The following ATG7 variants were observed in gnomAD, a reference collection of about 807,000 sequenced individuals.
ATG7 encodes autophagy related 7.
ATG7 carries 70 observed loss-of-function variants against 82.4 expected under a neutral mutation model. The ratio of observed to expected loss-of-function variants is 0.85; its 90% CI spans 0.70 to 1.04. ATG7 has a LOEUF of 1.04. Among genes scored for constraint, ATG7 ranks in the 50% least tolerant of loss-of-function variants. ATG7 has a pLI of 0.00. For missense variants in ATG7, 792 were observed against 864.3 expected (o/e 0.92, Z 1.05); for synonymous variants, 287 against 313.0 (o/e 0.92, Z 0.88).
intron 19 of ATG7, among the ~76,000 whole-genome samples, chr3:11,390,564 C>T (rs1262288078): frequency 6.6e-6 from 1 of 152,204 alleles, no homozygotes; most frequent in East Asian, 1.9e-4. Flanking sequence ...TTCTGTTGGG[C>T]TGTGCTAGTT....
intron 18 of ATG7, among the ~76,000 whole-genome samples, chr3:11,376,307 T>G (rs1421939858): frequency 6.6e-6 from 1 of 152,244 alleles, no homozygotes; most frequent in Middle Eastern, 3.2e-3. Context: ...CTGTACAGTT[T>G]AAAAGATGAA....
At chr3:11,415,089 G>C (rs1386684846) in intron 19 of ATG7, among the ~76,000 whole-genome samples, 1 of 152,218 alleles carries the variant, frequency 6.6e-6, no homozygotes, top group Non-Finnish European at 1.5e-5. Flanking sequence ...TTGCTCCTAG[G>C]CTGCAAGCCT....
At chr3:11,318,486 G>A (rs1299005552) in intron 9 of ATG7, among the ~76,000 whole-genome samples, 1 of 152,170 alleles carries the variant, frequency 6.6e-6, no homozygotes. Flanking sequence ...GAGCATGATG[G>A]CCTCATAGGA....
chr3:11,331,073 A>G (rs2152753215), intron 9 of ATG7, among the ~76,000 whole-genome samples: 1 of 152,008 alleles, frequency 6.6e-6, no homozygotes, highest in South Asian at 2.1e-4. Flanking sequence ...TTTTCCTTCT[A>G]CGTGTATTTA....
At chr3:11,493,100 G>A (rs1175771535) in intron 20 of ATG7, among the ~76,000 whole-genome samples, 2 of 152,230 alleles carry the variant, frequency 1.3e-5, no homozygotes, top group Non-Finnish European at 2.9e-5. Flanking sequence ...AAAGAATGAG[G>A]TCACGTAGAC....
intron 9 of ATG7, among the ~76,000 whole-genome samples, chr3:11,326,962 A>T (rs898392566): frequency 1.3e-5 from 2 of 152,216 alleles, no homozygotes; most frequent in African/African-American, 4.8e-5. Flanking sequence ...AGGAAAAGGA[A>T]CTTGCTGAGA....
chr3:11,559,336 CGGT>C (rs1559851261), downstream of ATG7: 15 of 1,541,014 alleles, frequency 9.7e-6, no homozygotes, highest in East Asian at 2.4e-5. Flanking sequence ...ACTCACCGCT[CGGT>C]GGCCTCCGGT....
In ATG7 at chr3:11,556,700, G is replaced by A. The variant is rs1043841002; in HGVS notation, c.*1857G>A. 3.3e-5 allele frequency: 5 copies of A among 152,656 alleles called. No homozygotes were observed. The Admixed American group carries it at 3.3e-4, about 10-fold the overall frequency. The allele number at this position is 152,656 out of a possible 1,614,324, so 9.5% of individuals were successfully genotyped here. ...AGCTACATATCATTAACAAATTAAT[G>A]TTCTTCAAAAAATACCTACAAATTT... On this transcript the variant is annotated 3_prime_UTR_variant, in exon 21 of 21. Transcript: ENST00000693202.
chr3:11,377,835 TTGCTATTAAACTCTTTTC>T (rs1374377948), intron 18 of ATG7, among the ~76,000 whole-genome samples: 2 of 152,118 alleles, frequency 1.3e-5, no homozygotes, highest in Non-Finnish European at 2.9e-5. Flanking sequence ...CATTTGTGAC[TTGCTATTAAACTCTTTTC>T]TGCTATTTTG....
At chr3:11,324,788 A>G (rs1009532515) in intron 9 of ATG7, among the ~76,000 whole-genome samples, 3 of 152,308 alleles carry the variant, frequency 2.0e-5, no homozygotes, top group East Asian at 1.9e-4. Context: ...TTCCAACTCT[A>G]CATTTGCACA....
At chr3:11,574,785 A>ATATGTG in the ATG7 span, among the ~76,000 whole-genome samples, 98 of 121,776 alleles carry the variant, frequency 8.0e-4, 1 homozygote, top group East Asian at 2.4e-3. Context: ...TCAACTATAT[A>ATATGTG]TGTGTGTGTG....
At chr3:11,279,921 T>A (rs917573862) in intron 1 of ATG7, among the ~76,000 whole-genome samples, 1 of 146,698 alleles carries the variant, frequency 6.8e-6, no homozygotes, top group Non-Finnish European at 1.5e-5. Context: ...GTTAGCTCTT[T>A]AAAGGTGGGG....
rs142152764 is a variant in ATG7 at position 11,335,855 on chromosome 3, G to A, written c.889+2762G>A. ...TGGGATTACAGTCGCGTGCCACCAC[G>A]CCTTGCTAAGTTTTTGTATCTTTAG... On this transcript the variant is annotated intron_variant, in intron 11 of 20. Coordinates refer to ENST00000693202, the MANE Select transcript of ATG7 (RefSeq NM_001349232.2). Among the ~76,000 whole-genome samples the A allele has an allele frequency of 2.6e-4, 39 of 151,816 alleles. No individual in the cohort carries two copies. In the East Asian group the frequency reaches 7.2e-3, roughly 28 times the overall value.
At chr3:11,436,188 T>C (rs889184712) in intron 20 of ATG7, among the ~76,000 whole-genome samples, 1 of 152,156 alleles carries the variant, frequency 6.6e-6, no homozygotes, top group Non-Finnish European at 1.5e-5. Flanking sequence ...AAAGAAGATA[T>C]ACAGATAATC....
At chr3:11,425,904 G>GTACA (rs2082325313) in intron 19 of ATG7, among the ~76,000 whole-genome samples, 1 of 152,134 alleles carries the variant, frequency 6.6e-6, no homozygotes, top group Admixed American at 6.5e-5. Context: ...TAATTGTACA[G>GTACA]TACATACTGC....
the ATG7 span, chr3:11,568,753 G>T: frequency 6.6e-7 from 1 of 1,513,914 alleles, no homozygotes. The surrounding 1 kb of genome is among the most constrained non-coding windows in gnomAD (Gnocchi z 5.9). Flanking sequence ...ATCCTGCCCG[G>T]GAGATGGAAG....
rs200507249 is a variant in ATG7 at position 11,362,903 on chromosome 3, G to A, written c.1774G>A (p.Val592Ile). ...AGGAGCCCTGGCCGTGGAATTGATGGTATCTGTTTTGCAGCATCCAGAAGG... is the reference window on the plus strand; with the variant it reads ...AGGAGCCCTGGCCGTGGAATTGATGATATCTGTTTTGCAGCATCCAGAAGG... ...IAGALAVELM[V>I]SVLQHPEGGY... The change falls in exon 17 of 21, where the codon GTA (valine) becomes ATA (isoleucine). Residue 592 changes from valine (V) to isoleucine (I), a missense_variant. Coordinates refer to ENST00000693202, the MANE Select transcript of ATG7 (RefSeq NM_001349232.2). 3.7e-6 allele frequency: 6 copies of A among 1,613,972 alleles called. No homozygotes were observed. The highest frequency in any genetic ancestry group is 5.1e-6 in the Non-Finnish European group (6 of 1,179,936).
At chr3:11,565,150 C>G in the ATG7 span, 1 of 931,096 alleles carries the variant, frequency 1.1e-6, no homozygotes, top group Non-Finnish European at 1.5e-6. This position sits in a 1 kb window ranked among gnomAD's most constrained non-coding sequence, Gnocchi z 4.1. Flanking sequence ...CTGGGCAGCA[C>G]GATGAGGAGC....
At chr3:11,513,161 C>T (rs368633120) in intron 20 of ATG7, among the ~76,000 whole-genome samples, 10 of 152,244 alleles carry the variant, frequency 6.6e-5, no homozygotes, top group East Asian at 1.9e-4. Flanking sequence ...CCCCACCAGA[C>T]TCAGGAGCCC....
Sources: allele counts gnomAD v4.1 joint callset (sites outside exome capture counted in the v4.1 genomes callset), GRCh38; gene constraint gnomAD v4.1.1; non-coding constraint Gnocchi (gnomAD v3.1); transcripts MANE v1.5; gene names NCBI Gene and HGNC (gene_info 2026-07-23, HGNC 2026-07-21).